Variants in POU6F2 observed in about 807,000 individuals in gnomAD.
POU6F2 encodes the protein POU class 6 homeobox 2.
A neutral mutation model predicts 71.3 loss-of-function variants in POU6F2; 31 were observed. That is an observed-to-expected ratio of 0.43 (90% CI 0.33 to 0.59). The LOEUF (loss-of-function observed/expected upper bound fraction) is 0.59. Among genes scored for constraint, POU6F2 ranks in the 20% least tolerant of loss-of-function variants. The pLI is 0.04. For synonymous variants in POU6F2, 347 were observed against 355.7 expected, an observed-to-expected ratio of 0.98 and a Z score of 0.27; for missense variants, 783 against 856.8, an observed-to-expected ratio of 0.91 and a Z score of 1.07.
chr7:39,038,903 T>G (rs919012049), intron 1 of POU6F2, among the ~76,000 whole-genome samples: 8 of 151,874 alleles, frequency 5.3e-5, no homozygotes, highest in Non-Finnish European at 1.2e-4. Context: ...ACAGGGAATA[T>G]TAGGTCACCA....
intron 4 of POU6F2, among the ~76,000 whole-genome samples, chr7:39,321,437 T>C (rs1196072822): frequency 6.6e-6 from 1 of 152,032 alleles, no homozygotes; most frequent in African/African-American, 2.4e-5. Context: ...TGACGTGCAG[T>C]GGGCAGCTGG....
intron 1 of POU6F2, among the ~76,000 whole-genome samples, chr7:39,015,677 CTA>C (rs1253855855): frequency 1.3e-4 from 3 of 22,290 alleles, no homozygotes; most frequent in South Asian, 1.7e-3. Flanking sequence ...TATATTATAT[CTA>C]TGTTATATAT....
At chr7:39,227,701 T>C (rs1584612824) in intron 4 of POU6F2, among the ~76,000 whole-genome samples, 2 of 152,146 alleles carry the variant, frequency 1.3e-5, no homozygotes. Flanking sequence ...GCTACAGGCA[T>C]CCGCCACCAC....
At chr7:39,259,323 G>A (rs374472243) in intron 4 of POU6F2, among the ~76,000 whole-genome samples, 3 of 152,104 alleles carry the variant, frequency 2.0e-5, no homozygotes, top group African/African-American at 4.8e-5. Context: ...TAAGTTATTC[G>A]GCCTGACTTT....
chr7:39,313,974 T>A (rs1785214430), intron 4 of POU6F2, among the ~76,000 whole-genome samples: 1 of 152,178 alleles, frequency 6.6e-6, no homozygotes, highest in Non-Finnish European at 1.5e-5. Flanking sequence ...TAAAGGAAGT[T>A]TAGTCCAGAG....
intron 1 of POU6F2, among the ~76,000 whole-genome samples, chr7:39,057,025 T>C (rs1180269884): frequency 6.6e-6 from 1 of 152,156 alleles, no homozygotes; most frequent in African/African-American, 2.4e-5. Context: ...TAATGATTGT[T>C]GGTTTTGACT....
chr7:39,338,643 C>T (rs1167374168), intron 4 of POU6F2, among the ~76,000 whole-genome samples: 1 of 152,102 alleles, frequency 6.6e-6, no homozygotes, highest in Non-Finnish European at 1.5e-5. Context: ...TGACATTGAT[C>T]CTTATATGTT....
intron 7 of POU6F2, among the ~76,000 whole-genome samples, chr7:39,448,931 A>G (rs1788588652): frequency 6.6e-6 from 1 of 152,216 alleles, no homozygotes; most frequent in Non-Finnish European, 1.5e-5. Flanking sequence ...AATAGATTTA[A>G]TCTTTAATAT....
At chr7:39,088,438 A>G (rs1261760388) in intron 2 of POU6F2, among the ~76,000 whole-genome samples, 1 of 152,126 alleles carries the variant, frequency 6.6e-6, no homozygotes, top group Non-Finnish European at 1.5e-5. Context: ...AATTTAAGGA[A>G]CTATGATTTT....
At chr7:39,253,126 C>G (rs1274780571) in intron 4 of POU6F2, among the ~76,000 whole-genome samples, 1 of 152,218 alleles carries the variant, frequency 6.6e-6, no homozygotes, top group Non-Finnish European at 1.5e-5. Context: ...AGAACCCACG[C>G]AGAGGCAGAA....
At chr7:39,266,812 T>A (rs952476351) in intron 4 of POU6F2, among the ~76,000 whole-genome samples, 1 of 150,308 alleles carries the variant, frequency 6.7e-6, no homozygotes, top group Non-Finnish European at 1.5e-5. Flanking sequence ...GTTAGCGTAC[T>A]CATCACCTCA....
intron 4 of POU6F2, among the ~76,000 whole-genome samples, chr7:39,230,738 G>A (rs574476491): frequency 2.2e-4 from 33 of 152,282 alleles, no homozygotes; most frequent in African/African-American, 6.3e-4. Context: ...AAATGAATAA[G>A]TGAAGGGAGA....
chr7:39,388,407 C>T (rs1326677017), intron 5 of POU6F2, among the ~76,000 whole-genome samples: 6 of 152,188 alleles, frequency 3.9e-5, no homozygotes, highest in African/African-American at 1.4e-4. Flanking sequence ...CCTTTGCCTC[C>T]TGGATTCAAG....
intron 2 of POU6F2, among the ~76,000 whole-genome samples, chr7:39,115,162 A>T (rs544598030): frequency 8.5e-5 from 13 of 152,298 alleles, no homozygotes; most frequent in Admixed American, 1.3e-4. Context: ...GCCCATGATC[A>T]TACAGCCAGA....
At chr7:39,278,088 A>AGGGAGG (rs1784486424) in intron 4 of POU6F2, among the ~76,000 whole-genome samples, 1 of 43,844 alleles carries the variant, frequency 2.3e-5, no homozygotes, top group African/African-American at 1.0e-4. Context: ...AGCGAGAAAG[A>AGGGAGG]GAGGGAGGGA....
chr7:39,267,241 A>G (rs62453457), intron 4 of POU6F2, among the ~76,000 whole-genome samples: 67,890 of 152,006 alleles, frequency 0.45, 15,818 homozygotes, highest in Admixed American at 0.6. Context: ...GACGCCCATA[A>G]AATTACAGTG....
chr7:39,061,294 T>G (rs1044488539), intron 1 of POU6F2, among the ~76,000 whole-genome samples: 2 of 152,188 alleles, frequency 1.3e-5, no homozygotes, highest in Non-Finnish European at 2.9e-5. Context: ...GCAAGAAACA[T>G]GCAGATATGT....
intron 7 of POU6F2, among the ~76,000 whole-genome samples, chr7:39,434,650 TA>T (rs139761263): frequency 5.1e-4 from 72 of 141,718 alleles, no homozygotes; most frequent in South Asian, 6.9e-4. Flanking sequence ...AAACTTCTTC[TA>T]AAAAAAAAAG....
At chr7:39,124,858 T>C (rs772685274) in intron 2 of POU6F2, among the ~76,000 whole-genome samples, 3 of 152,160 alleles carry the variant, frequency 2.0e-5, no homozygotes, top group Non-Finnish European at 4.4e-5. Flanking sequence ...CACAGATAGA[T>C]CCTTAAGCCT....
Sources: allele counts gnomAD v4.1 joint callset (sites outside exome capture counted in the v4.1 genomes callset), GRCh38; gene constraint gnomAD v4.1.1; transcripts MANE v1.5; gene names NCBI Gene and HGNC (gene_info 2026-07-23, HGNC 2026-07-21).